The following RARB variants were observed in gnomAD, a reference collection of about 807,000 sequenced individuals.
RARB encodes the protein retinoic acid receptor beta.
Under a neutral mutation model 51.9 loss-of-function variants are expected in RARB, and 17 were observed. The observed-to-expected ratio is 0.33, with a 90% CI of 0.22 to 0.49. The LOEUF (loss-of-function observed/expected upper bound fraction) is 0.49, where lower values mean the gene tolerates loss of function less well. Among genes scored for constraint, RARB ranks in the 20% least tolerant of loss-of-function variants. RARB has a pLI of 0.99. For missense variants in RARB, 369 were observed against 550.8 expected, an observed-to-expected ratio of 0.67 and a Z score of 3.30; for synonymous variants, 215 against 195.4, an observed-to-expected ratio of 1.10 and a Z score of -0.84.
intron 5 of RARB, among the ~76,000 whole-genome samples, chr3:25,284,131 T>A (rs1191174693): frequency 6.6e-6 from 1 of 152,134 alleles, no homozygotes; most frequent in African/African-American, 2.4e-5. Flanking sequence ...TGGAAATGAG[T>A]TTGGCCTTTG....
intron 2 of RARB, among the ~76,000 whole-genome samples, chr3:25,009,770 G>A (rs1697354940): frequency 6.6e-6 from 1 of 152,052 alleles, no homozygotes; most frequent in Non-Finnish European, 1.5e-5. Flanking sequence ...ACTTAGAGGG[G>A]GATGGGAAAT....
At chr3:25,084,178 T>C (rs946419457) in intron 3 of RARB, among the ~76,000 whole-genome samples, 1 of 152,220 alleles carries the variant, frequency 6.6e-6, no homozygotes, top group Non-Finnish European at 1.5e-5. Context: ...CGTGTTCCAG[T>C]TGACTCCTCC....
chr3:25,325,228 G>T (rs560518513), intron 5 of RARB, among the ~76,000 whole-genome samples: 2 of 152,180 alleles, frequency 1.3e-5, no homozygotes, highest in South Asian at 4.2e-4. Context: ...AAATTATCAG[G>T]GTGCTGGTGG....
At chr3:25,168,111 A>T (rs1214802871) in intron 4 of RARB, among the ~76,000 whole-genome samples, 2 of 152,268 alleles carry the variant, frequency 1.3e-5, no homozygotes, top group Non-Finnish European at 2.9e-5. Flanking sequence ...AATACAAATG[A>T]GAAATACATC....
intron 1 of RARB, among the ~76,000 whole-genome samples, chr3:24,855,905 C>G (rs1180001816): frequency 6.6e-6 from 1 of 152,020 alleles, no homozygotes; most frequent in South Asian, 2.1e-4. Flanking sequence ...GCCCCCACCA[C>G]CACGCCCAGC....
At chr3:25,388,004 T>G (rs1230394417) in intron 5 of RARB, among the ~76,000 whole-genome samples, 1 of 152,126 alleles carries the variant, frequency 6.6e-6, no homozygotes, top group Non-Finnish European at 1.5e-5. Context: ...GATTTTTGGA[T>G]TCGGTTAGTG....
At chr3:25,002,032 G>A (rs6774166) in intron 2 of RARB, among the ~76,000 whole-genome samples, 126,361 of 152,114 alleles carry the variant, frequency 0.83, 53,001 homozygotes, top group East Asian at 1. Context: ...CAGCCTCCCA[G>A]AGTGCTGGGA....
intron 2 of RARB, among the ~76,000 whole-genome samples, chr3:25,018,522 T>A (rs1432767183): frequency 6.6e-6 from 1 of 152,220 alleles, no homozygotes; most frequent in East Asian, 1.9e-4. Context: ...ATCTTCTTTA[T>A]TAAAGGTGTT....
chr3:25,370,214 G>T (rs1389590410), intron 5 of RARB, among the ~76,000 whole-genome samples: 1 of 152,106 alleles, frequency 6.6e-6, no homozygotes, highest in Non-Finnish European at 1.5e-5. Flanking sequence ...GGTTAAAGGA[G>T]CACTTTACCT....
intron 1 of RARB, among the ~76,000 whole-genome samples, chr3:25,439,405 T>C (rs192559309): frequency 6.6e-6 from 1 of 152,224 alleles, no homozygotes; most frequent in East Asian, 1.9e-4. Flanking sequence ...TTCAAACATG[T>C]CTTATTTTTT....
chr3:25,164,842 A>C (rs1700534564), intron 4 of RARB, among the ~76,000 whole-genome samples: 1 of 152,188 alleles, frequency 6.6e-6, no homozygotes, highest in South Asian at 2.1e-4. Context: ...AAACTACAAG[A>C]GTTCAGGAAT....
At chr3:25,279,778 G>A (rs1423622718) in intron 5 of RARB, among the ~76,000 whole-genome samples, 2 of 152,096 alleles carry the variant, frequency 1.3e-5, no homozygotes, top group African/African-American at 2.4e-5. Context: ...TTCCTCCTCT[G>A]CTCTGTGTTG....
intron 5 of RARB, among the ~76,000 whole-genome samples, chr3:25,189,281 A>T (rs1303096821): frequency 6.6e-6 from 1 of 152,156 alleles, no homozygotes; most frequent in Non-Finnish European, 1.5e-5. Context: ...GTTTAATCCA[A>T]AAATAAATAT....
chr3:25,131,255 G>T (rs548728245), intron 3 of RARB, among the ~76,000 whole-genome samples: 14 of 152,072 alleles, frequency 9.2e-5, no homozygotes, highest in African/African-American at 3.4e-4. Flanking sequence ...ACATGACTCA[G>T]TTAAGGTTTA....
intron 2 of RARB, among the ~76,000 whole-genome samples, chr3:25,009,153 T>A (rs1475880182): frequency 6.6e-6 from 1 of 152,084 alleles, no homozygotes; most frequent in East Asian, 1.9e-4. Flanking sequence ...CTTGAGCAAG[T>A]CACTTAATTC....
intron 5 of RARB, among the ~76,000 whole-genome samples, chr3:25,373,390 G>A (rs1706361499): frequency 6.6e-6 from 1 of 152,158 alleles, no homozygotes; most frequent in Non-Finnish European, 1.5e-5. Context: ...AATGCAGTGA[G>A]TGAGGAGGGT....
intron 5 of RARB, among the ~76,000 whole-genome samples, chr3:25,302,566 C>A (rs1704066301): frequency 6.6e-6 from 1 of 152,158 alleles, no homozygotes; most frequent in African/African-American, 2.4e-5. Flanking sequence ...GCTAATGTAA[C>A]AGAAAGTAGA....
chr3:25,580,477 C>T, intron 4 of RARB, 69 bp from the exon 5 acceptor site: 1 of 1,374,862 alleles, frequency 7.3e-7, no homozygotes, highest in South Asian at 1.5e-5. Context: ...ATTGGAAACA[C>T]ATTGAATTTC....
intron 3 of RARB, among the ~76,000 whole-genome samples, chr3:25,073,296 A>G (rs1698807337): frequency 6.6e-6 from 1 of 152,172 alleles, no homozygotes. Flanking sequence ...CCTTGCTGAC[A>G]TTTCTCCCAC....
Sources: gnomAD v4.1 joint callset for allele counts (sites outside exome capture counted in the v4.1 genomes callset) on GRCh38, gnomAD v4.1.1 for gene constraint, MANE v1.5 for transcripts, NCBI Gene and HGNC (gene_info 2026-07-23, HGNC 2026-07-21) for gene names.